MYCBP2: variants seen among roughly 807,000 people sequenced by gnomAD.
MYCBP2 encodes E3 ubiquitin-protein ligase MYCBP2.
Under a neutral mutation model 525.3 loss-of-function variants are expected in MYCBP2, and 120 were observed. The ratio of observed to expected loss-of-function variants is 0.23; its 90% confidence interval spans 0.20 to 0.27. The LOEUF is 0.27. MYCBP2 is among the 10% of genes least tolerant of loss of function. The probability of loss-of-function intolerance (pLI) is 1.00; values close to 1 mark genes in which losing one functional copy is unlikely to be tolerated. For missense variants in MYCBP2, 4,149 were observed against 5,657.1 expected (o/e 0.73, Z 8.55); for synonymous variants, 1,894 against 1,955.8 (o/e 0.97, Z 0.83).
chr13:77,109,370 C>T (rs925482963), intron 55 of MYCBP2, among the ~76,000 whole-genome samples: 13 of 152,142 alleles, frequency 8.5e-5, no homozygotes, highest in South Asian at 4.1e-4. Flanking sequence ...AATCTAATGC[C>T]GCAGCTGATC....
At chr13:77,090,377 A>C (rs1224759568) in intron 59 of MYCBP2, 114 bp from the exon 60 acceptor site, 9 of 767,184 alleles carry the variant, frequency 1.2e-5, no homozygotes, top group South Asian at 3.1e-5. Flanking sequence ...AAACAAAATC[A>C]AAGCCAAATT....
intron 49 of MYCBP2, 99 bp downstream of exon 49, chr13:77,144,346 T>C (rs2055175956): frequency 1.3e-6 from 1 of 769,810 alleles, no homozygotes; most frequent in Non-Finnish European, 2.2e-6. Context: ...AACCTATCCA[T>C]ATGTCTAGTG....
intron 26 of MYCBP2, among the ~76,000 whole-genome samples, chr13:77,195,465 C>G (rs2061669325): frequency 6.6e-6 from 1 of 152,054 alleles, no homozygotes; most frequent in African/African-American, 2.4e-5. Context: ...GGCGTGGTGG[C>G]ACATGCCTGT....
At chr13:77,123,515 T>C (rs188796270) in intron 54 of MYCBP2, among the ~76,000 whole-genome samples, 11 of 152,362 alleles carry the variant, frequency 7.2e-5, no homozygotes, top group Admixed American at 2.6e-4. Flanking sequence ...TAACTTACCA[T>C]CCATTAGCTT....
chr13:77,161,277 T>G (rs1382952624), intron 44 of MYCBP2, among the ~76,000 whole-genome samples: 1 of 152,240 alleles, frequency 6.6e-6, no homozygotes, highest in Non-Finnish European at 1.5e-5. Context: ...TGAGAAATAT[T>G]AGGTTGACGT....
chr13:77,303,127 G>A (rs551229751), intron 1 of MYCBP2, among the ~76,000 whole-genome samples: 1 of 152,348 alleles, frequency 6.6e-6, no homozygotes, highest in East Asian at 1.9e-4. Context: ...GAGGTCAGGT[G>A]TTCGAGACCA....
intron 33 of MYCBP2, among the ~76,000 whole-genome samples, 162 bp from the exon 34 acceptor site, chr13:77,180,480 G>C (rs544892886): frequency 3.9e-5 from 6 of 152,154 alleles, no homozygotes; most frequent in African/African-American, 1.4e-4. Flanking sequence ...TTTTCACTTA[G>C]AAGTTCTTTT....
At chr13:77,229,342 A>T (rs1489451843) in intron 18 of MYCBP2, among the ~76,000 whole-genome samples, 10 of 152,240 alleles carry the variant, frequency 6.6e-5, no homozygotes, top group Non-Finnish European at 1.0e-4. Flanking sequence ...CATCTTACAG[A>T]TGAAAAAACT....
chr13:77,304,426 G>A (rs1358546893), intron 1 of MYCBP2, among the ~76,000 whole-genome samples: 3 of 152,168 alleles, frequency 2.0e-5, no homozygotes, highest in East Asian at 1.9e-4. Flanking sequence ...AGCTAAAAAA[G>A]TTGATCTCAT....
intron 23 of MYCBP2, among the ~76,000 whole-genome samples, chr13:77,209,158 C>T (rs2063688008): frequency 6.6e-6 from 1 of 152,154 alleles, no homozygotes; most frequent in South Asian, 2.1e-4. Flanking sequence ...AGAAATTGAT[C>T]AAGGAGCTGG....
intron 77 of MYCBP2, among the ~76,000 whole-genome samples, chr13:77,059,082 T>G (rs1188816854): frequency 6.6e-6 from 1 of 151,738 alleles, no homozygotes; most frequent in African/African-American, 2.4e-5. Context: ...TTTAAAAAGG[T>G]ACCTTTGACT....
At chr13:77,197,511 G>A (rs1219636451) in intron 26 of MYCBP2, among the ~76,000 whole-genome samples, 2 of 152,144 alleles carry the variant, frequency 1.3e-5, no homozygotes, top group Non-Finnish European at 2.9e-5. Flanking sequence ...ATATTTACAT[G>A]AAAATGCATC....
chr13:77,146,038 G>A (rs986186679), intron 48 of MYCBP2, 124 bp downstream of exon 48: 9 of 567,018 alleles, frequency 1.6e-5, no homozygotes, highest in African/African-American at 3.9e-5. Context: ...CATCTCTATC[G>A]GCAACCTAGA....
intron 1 of MYCBP2, among the ~76,000 whole-genome samples, chr13:77,305,760 A>G (rs1196904501): frequency 6.6e-6 from 1 of 152,158 alleles, no homozygotes; most frequent in Non-Finnish European, 1.5e-5. Flanking sequence ...ACATAATTCA[A>G]TATAATAACA....
chr13:77,188,883 A>C, intron 30 of MYCBP2, 68 bp downstream of exon 30: 17 of 1,073,002 alleles, frequency 1.6e-5, no homozygotes, highest in Non-Finnish European at 2.2e-5. Context: ...AGAGCAGCTA[A>C]ACTCTAAACA....
intron 17 of MYCBP2, among the ~76,000 whole-genome samples, chr13:77,235,094 C>G (rs903078578): frequency 6.6e-6 from 1 of 151,892 alleles, no homozygotes; most frequent in Non-Finnish European, 1.5e-5. Context: ...AATTTATTCA[C>G]CAAATTTTCT....
At chr13:77,307,597 G>A (rs1445451474) in intron 1 of MYCBP2, among the ~76,000 whole-genome samples, 4 of 116,336 alleles carry the variant, frequency 3.4e-5, no homozygotes, top group African/African-American at 1.3e-4. Flanking sequence ...CTGCACCCCA[G>A]CCTGGATGAC....
At chr13:77,203,541 A>C (rs1593842837) in intron 26 of MYCBP2, among the ~76,000 whole-genome samples, 1 of 152,122 alleles carries the variant, frequency 6.6e-6, no homozygotes, top group Non-Finnish European at 1.5e-5. Context: ...ATTGGAAAAA[A>C]CTACTTTAAA....
intron 1 of MYCBP2, among the ~76,000 whole-genome samples, chr13:77,303,438 T>C (rs1785519197): frequency 6.6e-6 from 1 of 152,082 alleles, no homozygotes; most frequent in African/African-American, 2.4e-5. Context: ...CAAGTGCATA[T>C]AGAACATTTA....
Sources: gnomAD v4.1 joint callset for allele counts (sites outside exome capture counted in the v4.1 genomes callset) on GRCh38, gnomAD v4.1.1 for gene constraint, MANE v1.5 for transcripts, NCBI Gene and HGNC (gene_info 2026-07-23, HGNC 2026-07-21) for gene names.